The following APC variants were observed in gnomAD, a reference collection of about 807,000 sequenced individuals.
The protein encoded by APC is APC regulator of Wnt signaling pathway.
A neutral mutation model predicts 247.0 loss-of-function variants in APC; 72 were observed. The observed-to-expected ratio is 0.29, with a 90% CI of 0.24 to 0.35. The LOEUF is 0.35. Ranked by LOEUF, APC falls within the 10% of genes least tolerant of loss-of-function variation. APC has a pLI of 1.00. For missense variants in APC, 3,400 were observed against 3,360.7 expected, an observed-to-expected ratio of 1.01 and a Z score of -0.29; for synonymous variants, 1,254 against 1,162.5, an observed-to-expected ratio of 1.08 and a Z score of -1.60.
At chr5:112,814,553 C>T (rs958201776) in intron 8 of APC, among the ~76,000 whole-genome samples, 6 of 152,168 alleles carry the variant, frequency 3.9e-5, no homozygotes, top group African/African-American at 1.4e-4. Flanking sequence ...ATTTGAATAT[C>T]CTTCAAGAGC....
At chr5:112,712,710 C>T (rs953261033) in intron 1 of APC, among the ~76,000 whole-genome samples, 3 of 152,088 alleles carry the variant, frequency 2.0e-5, no homozygotes, top group African/African-American at 4.8e-5. Flanking sequence ...GTTTGTATTC[C>T]TCTTCCCCCG....
intron 1 of APC, 107 bp downstream of exon 1, chr5:112,738,032 C>G: frequency 2.7e-6 from 2 of 731,834 alleles, no homozygotes; most frequent in Non-Finnish European, 3.3e-6. Context: ...ACAGGGTCCA[C>G]TGCAGCATGC....
chr5:112,736,158 T>C (rs569383569), upstream of APC, among the ~76,000 whole-genome samples: 1 of 152,244 alleles, frequency 6.6e-6, no homozygotes, highest in Non-Finnish European at 1.5e-5. Flanking sequence ...TCATGTGCTT[T>C]CAGTAAGAGG....
chr5:112,758,527 A>G (rs893042438), intron 2 of APC, among the ~76,000 whole-genome samples: 1 of 151,562 alleles, frequency 6.6e-6, no homozygotes, highest in Non-Finnish European at 1.5e-5. Context: ...GGGTTTCACT[A>G]TGTTGGCTAG....
chr5:112,713,322 CT>C (rs926129160), intron 1 of APC, among the ~76,000 whole-genome samples: 1 of 152,154 alleles, frequency 6.6e-6, no homozygotes, highest in African/African-American at 2.4e-5. Flanking sequence ...TGGGCTCAGA[CT>C]TTGCCATCAT....
chr5:112,809,419 TA>T (rs1561526951), intron 8 of APC, among the ~76,000 whole-genome samples: 1 of 151,876 alleles, frequency 6.6e-6, no homozygotes, highest in Non-Finnish European at 1.5e-5. Flanking sequence ...AGAGGAAAGG[TA>T]AAGAATTGGT....
intron 9 of APC, 75 bp downstream of exon 9, chr5:112,815,668 G>A: frequency 8.6e-7 from 1 of 1,156,890 alleles, no homozygotes; most frequent in South Asian, 1.2e-5. Context: ...AGGTGCAGTG[G>A]CTCACACCTG....
chr5:112,717,289 C>T (rs942472201), intron 1 of APC, among the ~76,000 whole-genome samples: 2 of 152,050 alleles, frequency 1.3e-5, no homozygotes, highest in East Asian at 1.9e-4. Context: ...GTGCCCAGCC[C>T]CTACTCATAC....
intron 1 of APC, among the ~76,000 whole-genome samples, chr5:112,709,062 A>C (rs1487060913): frequency 2.6e-5 from 4 of 152,376 alleles, no homozygotes; most frequent in South Asian, 2.1e-4. Context: ...GAGATTAAAA[A>C]TATAAATGAT....
At chr5:112,740,533 T>C (rs1354228094) in intron 1 of APC, among the ~76,000 whole-genome samples, 3 of 145,326 alleles carry the variant, frequency 2.1e-5, no homozygotes, top group South Asian at 4.4e-4. Flanking sequence ...TCTTTTTTTT[T>C]TTTTTTTTTT....
intron 9 of APC, among the ~76,000 whole-genome samples, chr5:112,818,550 A>G (rs1276892808): frequency 6.6e-6 from 1 of 152,228 alleles, no homozygotes; most frequent in African/African-American, 2.4e-5. Flanking sequence ...TATAGATTAA[A>G]AGAAATAAGA....
At chr5:112,715,259 A>C (rs987410570) in intron 1 of APC, among the ~76,000 whole-genome samples, 1 of 152,220 alleles carries the variant, frequency 6.6e-6, no homozygotes, top group Non-Finnish European at 1.5e-5. Context: ...ATTGAGTGGG[A>C]ACAAAACAGA....
chr5:112,781,240 T>TG (rs1758315107), intron 6 of APC, among the ~76,000 whole-genome samples: 1 of 152,146 alleles, frequency 6.6e-6, no homozygotes, highest in Non-Finnish European at 1.5e-5. Context: ...TATAAAGGCA[T>TG]TCAGAACATG....
At chr5:112,714,966 T>G (rs1751074505) in intron 1 of APC, among the ~76,000 whole-genome samples, 1 of 152,202 alleles carries the variant, frequency 6.6e-6, no homozygotes, top group South Asian at 2.1e-4. Flanking sequence ...ATAACATCTA[T>G]TGAAATAGAG....
At chr5:112,779,367 A>G (rs1758072528) in intron 5 of APC, among the ~76,000 whole-genome samples, 1 of 152,210 alleles carries the variant, frequency 6.6e-6, no homozygotes, top group Non-Finnish European at 1.5e-5. Flanking sequence ...TGACAACTCA[A>G]GAGTATTTGG....
At chr5:112,816,650 A>AGGCATGGT (rs1762539849) in intron 9 of APC, among the ~76,000 whole-genome samples, 2 of 151,500 alleles carry the variant, frequency 1.3e-5, no homozygotes, top group Admixed American at 1.3e-4. Flanking sequence ...AAAATTAGCC[A>AGGCATGGT]GGCATGGTGG....
Position 112,839,920 on chromosome 5 carries a change from T to C in APC, c.4326T>C (p.Pro1442=), listed in dbSNP as rs67622085. 3 of 1,613,726 alleles carry C rather than the reference T, an allele frequency of 1.9e-6. No individual in the cohort carries two copies. The African/African-American group carries it at 4.0e-5, about 22-fold the overall frequency. Residue 1442 remains proline, a synonymous_variant, in exon 16 of 16, where the codon CCT becomes CCC. Transcript: ENST00000257430. This position sits in a 1 kb window ranked among gnomAD's most constrained non-coding sequence, Gnocchi z 5.0. Reference sequence around the variant, plus strand: ...GCAGAAGTAAAACACCTCCACCACCTCCTCAAACAGCTCAAACCAAGCGAG... The same window carrying C: ...GCAGAAGTAAAACACCTCCACCACCCCCTCAAACAGCTCAAACCAAGCGAG... ...PPSRSKTPPP[P]PQTAQTKREV...
Position 112,842,607 on chromosome 5 carries a change from C to G in APC, c.7013C>G (p.Pro2338Arg), listed in dbSNP as rs1060503377. ...TCCCCTGGTAGAAATGGAATAAGTC[C>G]TCCTAACAAATTATCTCAACTTCCA... is the stretch of plus-strand genomic sequence containing the variant. ...SISPGRNGIS[P>R]PNKLSQLPRT... The change falls in exon 16 of 16, where the codon CCT (proline) becomes CGT (arginine). Residue 2338 changes from proline (P) to arginine (R), a missense_variant. Coordinates refer to ENST00000257430, the MANE Select transcript of APC (RefSeq NM_000038.6). 1.2e-6 allele frequency: 2 copies of G among 1,613,786 alleles called. No homozygotes were observed. The highest frequency in any genetic ancestry group is 3.3e-5 in the Admixed American group (2 of 60,012).
intron 1 of APC, among the ~76,000 whole-genome samples, chr5:112,728,167 G>A (rs1460044763): frequency 6.6e-6 from 1 of 151,768 alleles, no homozygotes; most frequent in Non-Finnish European, 1.5e-5. Context: ...TCTCTCTGTT[G>A]CTCAGGCTGG....
Sources: allele counts gnomAD v4.1 joint callset (sites outside exome capture counted in the v4.1 genomes callset), GRCh38; gene constraint gnomAD v4.1.1; non-coding constraint Gnocchi (gnomAD v3.1); transcripts MANE v1.5; gene names NCBI Gene and HGNC (gene_info 2026-07-23, HGNC 2026-07-21).